Variants in GPM6B observed in about 807,000 individuals in gnomAD.
The protein encoded by GPM6B is glycoprotein M6B.
GPM6B carries 4 observed loss-of-function variants against 27.2 expected under a neutral mutation model. That is an observed-to-expected ratio of 0.15 (90% CI 0.07 to 0.34). GPM6B has a LOEUF of 0.34. Among genes scored for constraint, GPM6B ranks in the 10% least tolerant of loss-of-function variants. The pLI is 1.00. For missense variants in GPM6B, 183 were observed against 261.9 expected (o/e 0.70, Z 2.08); for synonymous variants, 124 against 103.1 (o/e 1.20, Z -1.23).
chrX:13,850,616 T>C (rs2049704179), intron 1 of GPM6B, among the ~76,000 whole-genome samples: 1 of 111,750 alleles, frequency 8.9e-6, no homozygotes, highest in African/African-American at 3.3e-5. Context: ...GGGATGGGAG[T>C]CTGGACCTTG....
chrX:13,920,572 T>TAA (rs1920959953), intron 1 of GPM6B, among the ~76,000 whole-genome samples: 1 of 110,842 alleles, frequency 9.0e-6, no homozygotes, highest in Non-Finnish European at 1.9e-5. Context: ...TAGAAGAAAA[T>TAA]AAAAAGATTA....
intron 7 of GPM6B, chrX:13,773,302 A>T: frequency 1.5e-5 from 3 of 196,453 alleles, no homozygotes; most frequent in Non-Finnish European, 2.6e-5. Context: ...ATGAAATACG[A>T]GAGGGTGCTT....
chrX:13,817,435 G>A, upstream of GPM6B: 1 of 617,889 alleles, frequency 1.6e-6, no homozygotes, highest in Non-Finnish European at 1.9e-6. Flanking sequence ...AAAGAAAAGA[G>A]CCCCCTCCCA....
At chrX:13,902,379 C>T (rs953972413) in intron 1 of GPM6B, among the ~76,000 whole-genome samples, 1 of 110,806 alleles carries the variant, frequency 9.0e-6, no homozygotes, top group Admixed American at 9.7e-5. Context: ...CGTTTCAGCC[C>T]TCTAAGCTAG....
At chrX:13,877,228 T>G (rs1603105278) in intron 1 of GPM6B, among the ~76,000 whole-genome samples, 1 of 111,951 alleles carries the variant, frequency 8.9e-6, no homozygotes, top group Non-Finnish European at 1.9e-5. Context: ...AAGAGTGGAT[T>G]GTGATATGGG....
At chrX:13,896,517 T>C (rs1249694290) in intron 1 of GPM6B, among the ~76,000 whole-genome samples, 2 of 111,445 alleles carry the variant, frequency 1.8e-5, no homozygotes, top group Non-Finnish European at 3.8e-5. Flanking sequence ...CAGAACAACA[T>C]GAAATTGCTA....
At chrX:13,838,445 G>A (rs1264827200) in intron 1 of GPM6B, among the ~76,000 whole-genome samples, 1 of 112,546 alleles carries the variant, frequency 8.9e-6, no homozygotes, top group Admixed American at 9.4e-5. Context: ...AGATTCATCT[G>A]GCTCAGACTG....
chrX:13,879,610 G>A (rs772977467), intron 1 of GPM6B, among the ~76,000 whole-genome samples: 1 of 112,251 alleles, frequency 8.9e-6, no homozygotes, highest in East Asian at 2.8e-4. Flanking sequence ...CACAAAAGGC[G>A]TGGTTCAAAC....
chrX:13,877,824 C>CAAAAAAAAAAAAAAAAAAAAAA lies in GPM6B; in HGVS notation c.-198+60481_-198+60502dup, dbSNP rs761891419. ...CCTGGGCATTAGAGCCAGACTCTGC[C>CAAAAAAAAAAAAAAAAAAAAAA]AAAAAAAAAAAAAAAAAAAAAAAAA... On this transcript the variant is annotated intron_variant, in intron 1 of 6. Transcript: ENST00000398361. Among the ~76,000 whole-genome samples the CAAAAAAAAAAAAAAAAAAAAAA allele has an allele frequency of 6.2e-4, 17 of 27,462 alleles. 2 individuals carry two copies. Among genetic ancestry groups the CAAAAAAAAAAAAAAAAAAAAAA allele is most frequent in the African/African-American group, 7.3e-4 (4 of 5,455 alleles). The allele number at this position is 27,462 out of a possible 115,157, so 23.8% of individuals were successfully genotyped here.
At chrX:13,858,936 C>T (rs933179556) in intron 1 of GPM6B, among the ~76,000 whole-genome samples, 6 of 112,181 alleles carry the variant, frequency 5.3e-5, no homozygotes, top group Admixed American at 9.5e-5. Flanking sequence ...GTGTATGAAG[C>T]GTGCTCAATA....
At chrX:13,832,327 C>T (rs774076981) in intron 1 of GPM6B, among the ~76,000 whole-genome samples, 37 of 112,393 alleles carry the variant, frequency 3.3e-4, no homozygotes, top group African/African-American at 1.2e-3. Context: ...TACAGAAGAA[C>T]GTGACTATCC....
Position 13,777,400 on chromosome X carries a change from G to C in GPM6B, c.723C>G (p.Pro241=), listed in dbSNP as rs141687297. ...QYGIIPWNAF[P]GKICGSALEN... ...CCAGGGCAGAGCCACATATTTTTCC[G>C]GGGAAAGCATTCCAAGGAATGATAC... Residue 241 remains proline, a synonymous_variant, in exon 6 of 8, where the codon CCC becomes CCG. Transcript: ENST00000316715. 5.8e-6 allele frequency: 7 copies of C among 1,199,894 alleles called. No individual in the cohort carries two copies. The highest frequency in any genetic ancestry group is 1.8e-5 in the African/African-American group (1 of 56,887).
chrX:13,775,157 C>T (rs776200794), intron 7 of GPM6B, among the ~76,000 whole-genome samples: 2 of 112,527 alleles, frequency 1.8e-5, no homozygotes, highest in East Asian at 5.5e-4. Context: ...ACCAAGCCCT[C>T]CAAAATTACA....
chrX:13,898,919 T>C (rs1310017946), intron 1 of GPM6B, among the ~76,000 whole-genome samples: 1 of 111,621 alleles, frequency 9.0e-6, no homozygotes, highest in Non-Finnish European at 1.9e-5. Flanking sequence ...TAAGGTAGCA[T>C]GATACTAATT....
chrX:13,887,988 C>T (rs1348690316), intron 1 of GPM6B, among the ~76,000 whole-genome samples: 2 of 111,958 alleles, frequency 1.8e-5, no homozygotes, highest in African/African-American at 6.5e-5. Context: ...AAAAGACATA[C>T]AGCTGGCGCT....
chrX:13,919,045 G>C (rs935729862), intron 1 of GPM6B, among the ~76,000 whole-genome samples: 1 of 111,520 alleles, frequency 9.0e-6, no homozygotes, highest in Non-Finnish European at 1.9e-5. Context: ...GGTCAATTGC[G>C]GCCAAAGTTT....
At chrX:13,896,823 CT>C (rs1387475216) in intron 1 of GPM6B, among the ~76,000 whole-genome samples, 1 of 111,931 alleles carries the variant, frequency 8.9e-6, no homozygotes, top group Non-Finnish European at 1.9e-5. Context: ...CTGCCTCGGC[CT>C]CCCAAAGTGC....
chrX:13,836,813 T>C (rs2049499839), intron 1 of GPM6B, among the ~76,000 whole-genome samples: 1 of 112,641 alleles, frequency 8.9e-6, no homozygotes, highest in Non-Finnish European at 1.9e-5. Flanking sequence ...GGAAGCACTT[T>C]TGCAGGTCTT....
At chrX:13,902,478 G>T (rs1432593757) in intron 1 of GPM6B, among the ~76,000 whole-genome samples, 10 of 110,939 alleles carry the variant, frequency 9.0e-5, no homozygotes, top group Non-Finnish European at 1.3e-4. Flanking sequence ...TTCAGGGAGG[G>T]TATTACTCTA....
Sources: gnomAD v4.1 joint callset for allele counts (sites outside exome capture counted in the v4.1 genomes callset) on GRCh38, gnomAD v4.1.1 for gene constraint, MANE v1.5 for transcripts, NCBI Gene and HGNC (gene_info 2026-07-23, HGNC 2026-07-21) for gene names.